Variants in CHL1 observed in about 807,000 individuals in gnomAD.
The protein encoded by CHL1 is cell adhesion molecule L1 like, also known as neural cell adhesion molecule L1-like protein.
A neutral mutation model predicts 141.9 loss-of-function variants in CHL1; 96 were observed. That is an observed-to-expected ratio of 0.68 (90% CI 0.57 to 0.80). The LOEUF (loss-of-function observed/expected upper bound fraction) is 0.80, where lower values mean the gene tolerates loss of function less well. CHL1 is among the 30% of genes least tolerant of loss of function. The pLI is 0.00. For synonymous variants in CHL1, 613 were observed against 502.2 expected, an observed-to-expected ratio of 1.22 and a Z score of -2.95; for missense variants, 1,820 against 1,457.2, an observed-to-expected ratio of 1.25 and a Z score of -4.05.
At chr3:365,038 G>T (rs1019252224) in intron 14 of CHL1, among the ~76,000 whole-genome samples, 1 of 152,190 alleles carries the variant, frequency 6.6e-6, no homozygotes, top group African/African-American at 2.4e-5. Flanking sequence ...CAAGTTTTGT[G>T]CCTGGAATAA....
intron 3 of CHL1, among the ~76,000 whole-genome samples, chr3:324,541 T>C (rs1161418579): frequency 6.6e-6 from 1 of 152,102 alleles, no homozygotes; most frequent in African/African-American, 2.4e-5. Flanking sequence ...ATTTATTTTA[T>C]AGTTGTAATT....
At chr3:229,097 A>G (rs755243197) in intron 1 of CHL1, among the ~76,000 whole-genome samples, 14 of 152,220 alleles carry the variant, frequency 9.2e-5, no homozygotes, top group Non-Finnish European at 1.5e-4. Context: ...AGCACAGTGA[A>G]CACTGATTTT....
At chr3:323,632 G>C (rs1036025753) in intron 3 of CHL1, among the ~76,000 whole-genome samples, 2 of 152,006 alleles carry the variant, frequency 1.3e-5, no homozygotes, top group African/African-American at 4.8e-5. Flanking sequence ...ATCTGTGTAC[G>C]GCTGGATTTT....
chr3:362,899 C>G lies in CHL1; in HGVS notation c.1419-318C>G, dbSNP rs554719806. On this transcript the variant is annotated intron_variant, in intron 13 of 27. Transcript: ENST00000256509. ...TTTAGTACCCTGGAGCAATCATTAA[C>G]TAAAGAGTTCACCATCAATAAGCCA... Among the ~76,000 whole-genome samples the G allele has an allele frequency of 2.0e-5, 3 of 152,296 alleles. No individual in the cohort carries two copies. In the South Asian group the frequency reaches 6.2e-4, roughly 32 times the overall value.
At chr3:376,983 T>C (rs959675239) in intron 15 of CHL1, among the ~76,000 whole-genome samples, 1 of 152,236 alleles carries the variant, frequency 6.6e-6, no homozygotes, top group Admixed American at 6.5e-5. Flanking sequence ...ATATGAAATG[T>C]ACATAAAAAT....
At chr3:325,633 A>T (rs1700943801) in intron 3 of CHL1, among the ~76,000 whole-genome samples, 1 of 152,050 alleles carries the variant, frequency 6.6e-6, no homozygotes, top group South Asian at 2.1e-4. Context: ...TATGCATGCT[A>T]ACATAGATTG....
intron 19 of CHL1, among the ~76,000 whole-genome samples, chr3:387,493 G>A (rs540987174): frequency 1.8e-4 from 28 of 152,276 alleles, no homozygotes; most frequent in African/African-American, 6.5e-4. Flanking sequence ...TAAAAAGGCC[G>A]CTAATATAGC....
intron 1 of CHL1, among the ~76,000 whole-genome samples, chr3:201,605 T>C (rs1404558127): frequency 1.3e-5 from 2 of 152,180 alleles, no homozygotes; most frequent in Non-Finnish European, 2.9e-5. Context: ...AAATTCATAG[T>C]TTGCTAATTG....
At chr3:220,915 C>A (rs1210559946) in intron 1 of CHL1, among the ~76,000 whole-genome samples, 2 of 152,140 alleles carry the variant, frequency 1.3e-5, no homozygotes, top group South Asian at 2.1e-4. Context: ...CATTTACAAT[C>A]AATTGTCTCT....
At chr3:336,584 A>G (rs945882251) in intron 5 of CHL1, among the ~76,000 whole-genome samples, 15 of 151,380 alleles carry the variant, frequency 9.9e-5, no homozygotes, top group African/African-American at 3.6e-4. Flanking sequence ...TAAGACACCA[A>G]AGGAAAACAA....
chr3:367,427 A>G (rs1404928267), intron 15 of CHL1, among the ~76,000 whole-genome samples: 1 of 152,212 alleles, frequency 6.6e-6, no homozygotes, highest in African/African-American at 2.4e-5. Context: ...AGATCTTTGA[A>G]CTTAGACAAG....
intron 2 of CHL1, among the ~76,000 whole-genome samples, chr3:286,861 A>G (rs763572718): frequency 2.6e-5 from 4 of 152,122 alleles, no homozygotes; most frequent in East Asian, 1.9e-4. Flanking sequence ...GTAAACTGTC[A>G]TGGCACTGGT....
intron 11 of CHL1, among the ~76,000 whole-genome samples, chr3:356,796 G>A (rs903608841): frequency 2.0e-5 from 3 of 152,150 alleles, no homozygotes; most frequent in African/African-American, 4.8e-5. Context: ...CACCAGATCC[G>A]CCAGCAGGGG....
chr3:407,090 C>G lies in CHL1; in HGVS notation c.*1379C>G, dbSNP rs1709575886. 6.6e-6 allele frequency: 1 copy of G among 152,032 alleles called. No homozygotes were observed. Among genetic ancestry groups the G allele is most frequent in the Non-Finnish European group, 1.5e-5 (1 of 67,998 alleles). 9.4% of individuals were successfully genotyped at this position (152,032 alleles called of 1,614,324 possible). A position where few individuals can be genotyped will look rare whatever the true frequency, so the allele number is the denominator to read the frequency against. ...GTGCTCCAGTCCTTTTAAAATTGTA[C>G]ATGAACATGTTTTAGAAACAATATG... On this transcript the variant is annotated 3_prime_UTR_variant, in exon 28 of 28. Coordinates refer to ENST00000256509, the MANE Select transcript of CHL1 (RefSeq NM_006614.4).
intron 10 of CHL1, among the ~76,000 whole-genome samples, chr3:354,307 A>G (rs897194369): frequency 6.6e-6 from 1 of 152,140 alleles, no homozygotes; most frequent in Non-Finnish European, 1.5e-5. Context: ...TAAACTCACC[A>G]TCTGCTTATT....
At position 268,459 on chromosome 3, in the gene CHL1, T is replaced by C. The variant is rs577463558; in HGVS notation, c.-95+23767T>C. Among the ~76,000 whole-genome samples, 17 of 152,120 alleles carry C rather than the reference T, an allele frequency of 1.1e-4. 1 individual carries two copies. The highest frequency in any genetic ancestry group is 4.1e-4 in the African/African-American group (17 of 41,514). ...CCGAGGCAGCAGAATCACTTGAACC[T>C]GGGAGGCAGAGGCTGCAGTGAGCTG... On this transcript the variant is annotated intron_variant, in intron 2 of 27. Transcript: ENST00000256509.
chr3:409,110 T>C lies in CHL1; in HGVS notation c.*3399T>C, dbSNP rs141571750. The C allele has an allele frequency of 7.2e-5, 11 of 152,212 alleles. No individual in the cohort carries two copies. The highest frequency in any genetic ancestry group is 2.6e-4 in the African/African-American group (11 of 41,562). 9.4% of individuals were successfully genotyped at this position (152,212 alleles called of 1,614,324 possible). On this transcript the variant is annotated 3_prime_UTR_variant, in exon 28 of 28. Transcript: ENST00000256509. ...AATTATAATGGGATTGGGTTTGTTA[T>C]CTGTGGTAGTATATATCCTAGTGTT...
Position 363,279 on chromosome 3 carries a change from C to T in CHL1, c.1481C>T (p.Thr494Ile), listed in dbSNP as rs1378798137. 20 of 1,613,638 alleles carry T rather than the reference C, an allele frequency of 1.2e-5. No homozygotes were observed. Among genetic ancestry groups the T allele is most frequent in the Non-Finnish European group, 1.5e-5 (18 of 1,179,698 alleles). ...CGGTATCATATCTATGAAAATGGCA[C>T]ATTGCAGATCAACAGAACCACCGAA... ...GRRYHIYENG[T>I]LQINRTTEED... The change falls in exon 14 of 28, where the codon ACA (threonine) becomes ATA (isoleucine). Residue 494 changes from threonine to isoleucine, a missense_variant. Thr to Ile is a moderately conservative substitution (Grantham distance 89, BLOSUM62 -1). Transcript: ENST00000256509.
At chr3:281,281 C>A (rs1050799032) in intron 2 of CHL1, among the ~76,000 whole-genome samples, 2 of 152,102 alleles carry the variant, frequency 1.3e-5, no homozygotes, top group Non-Finnish European at 2.9e-5. Flanking sequence ...CTACTACTCC[C>A]CACAAATTTG....
Sources: allele counts gnomAD v4.1 joint callset (sites outside exome capture counted in the v4.1 genomes callset), GRCh38; gene constraint gnomAD v4.1.1; transcripts MANE v1.5; gene names NCBI Gene and HGNC (gene_info 2026-07-23, HGNC 2026-07-21).